MYD88: variants seen among roughly 807,000 people sequenced by gnomAD.
The protein encoded by MYD88 is myeloid differentiation primary response protein MyD88.
MYD88 carries 15 observed loss-of-function variants against 31.1 expected under a neutral mutation model. The ratio of observed to expected loss-of-function variants is 0.48; its 90% CI spans 0.32 to 0.74. The LOEUF is 0.74. MYD88 is among the 30% of genes least tolerant of loss of function. The pLI is 0.03. For missense variants in MYD88, 308 were observed against 387.4 expected (o/e 0.79, Z 1.72); for synonymous variants, 157 against 158.8 (o/e 0.99, Z 0.08).
rs2125778798 is a variant in MYD88 at position 38,140,533 on chromosome 3, T to C, written c.609T>C (p.Cys203=). Reference sequence around the variant, plus strand: ...ACCGCGATGTCCTGCCTGGCACCTGTGTCTGGTCTATTGCTAGTGAGCTCA... The same window carrying C: ...ACCGCGATGTCCTGCCTGGCACCTGCGTCTGGTCTATTGCTAGTGAGCTCA... The part of the protein sequence containing the change: ...VSDRDVLPGT[C]VWSIASELIE... The change falls in exon 3 of 5, where the codon TGT becomes TGC. Residue 203 remains cysteine, a synonymous_variant. Coordinates refer to ENST00000650905, the MANE Select transcript of MYD88 (RefSeq NM_002468.5). The C allele has an allele frequency of 6.2e-7, 1 of 1,614,236 alleles. No individual in the cohort carries two copies. The highest frequency in any genetic ancestry group is 2.2e-5 in the East Asian group (1 of 44,888).
Position 38,140,201 on chromosome 3 carries a change from G to T in MYD88, c.464-187G>T, listed in dbSNP as rs1037727850. 4.2e-6 allele frequency: 4 copies of T among 946,258 alleles called. No individual in the cohort carries two copies. The African/African-American group carries it at 6.5e-5, about 15-fold the overall frequency. The allele number at this position is 946,258 out of a possible 1,614,324, so 58.6% of individuals were successfully genotyped here. ...ATGCTCATGAAATAATGTCTGTCTC[G>T]TGGTTAATCCAGAGCTTAGCCCCTG... On this transcript the variant is annotated intron_variant, in intron 2 of 4. Coordinates refer to ENST00000650905, the MANE Select transcript of MYD88 (RefSeq NM_002468.5).
At chr3:38,140,101 C>A in intron 2 of MYD88, 103 bp downstream of exon 2, 2 of 1,442,156 alleles carry the variant, frequency 1.4e-6, no homozygotes, top group Admixed American at 1.9e-5. Flanking sequence ...TTGGGCAAGT[C>A]ACTTAATCTT....
In MYD88 at chr3:38,139,521, C is replaced by T. The variant is rs926285608; in HGVS notation, c.329-343C>T. 11 of 434,592 alleles carry T rather than the reference C, an allele frequency of 2.5e-5. No individual in the cohort carries two copies. The highest frequency in any genetic ancestry group is 7.0e-5 in the Admixed American group (2 of 28,576). 26.9% of individuals were successfully genotyped at this position (434,592 alleles called of 1,614,324 possible). ...CACCATAACCAGTGGGTCTCCTGAG[C>T]CTTTCTGGCATGCCCAGCCCCTTGC... On this transcript the variant is annotated intron_variant, in intron 1 of 4. Transcript: ENST00000650905. The surrounding 1 kb of genome is among the most constrained non-coding windows in gnomAD (Gnocchi z 4.7).
rs1184689491 is a variant in MYD88 at position 38,142,394 on chromosome 3, A to C, written c.*1108A>C. The C allele has an allele frequency of 8.6e-6, 2 of 233,190 alleles. No homozygotes were observed. The highest frequency in any genetic ancestry group is 1.7e-5 in the Non-Finnish European group (2 of 118,086). The allele number at this position is 233,190 out of a possible 1,614,324, so 14.4% of individuals were successfully genotyped here. A position where few individuals can be genotyped will look rare whatever the true frequency, so the allele number is the denominator to read the frequency against. ...CAGCTCCCAGGAACAGCTAGGTGGGAAAGTCCCATCACTGAGGGAGCCTAA... is the reference window on the plus strand; with the variant it reads ...CAGCTCCCAGGAACAGCTAGGTGGGCAAGTCCCATCACTGAGGGAGCCTAA... On this transcript the variant is annotated 3_prime_UTR_variant, in exon 5 of 5. Transcript: ENST00000650905.
In MYD88 at chr3:38,141,680, G is replaced by T. The variant is rs950986330; in HGVS notation, c.*394G>T. On this transcript the variant is annotated 3_prime_UTR_variant, in exon 5 of 5. Coordinates refer to ENST00000650905, the MANE Select transcript of MYD88 (RefSeq NM_002468.5). ...GTAGGAAATGGTGAAGCATAGCTCT[G>T]GGTCTCCTGGGGGAGACCAGGCTTG... 4 of 420,482 alleles carry T rather than the reference G, an allele frequency of 9.5e-6. No homozygotes were observed. Among genetic ancestry groups the T allele is most frequent in the Non-Finnish European group, 1.8e-5 (4 of 223,256 alleles). 26.0% of individuals were successfully genotyped at this position (420,482 alleles called of 1,614,324 possible).
rs1241028789 is a variant in MYD88 at position 38,142,449 on chromosome 3, A to G, written c.*1163A>G. 1.3e-5 allele frequency: 3 copies of G among 233,174 alleles called. No homozygotes were observed. The highest frequency in any genetic ancestry group is 2.5e-5 in the Non-Finnish European group (3 of 118,078). The allele number at this position is 233,174 out of a possible 1,614,324, so 14.4% of individuals were successfully genotyped here. A position where few individuals can be genotyped will look rare whatever the true frequency, so the allele number is the denominator to read the frequency against. ...GTCCCTGAACAAAAATTGGGCACTC[A>G]TCTATTCCTTTTCTCTTGTGTCCCT... On this transcript the variant is annotated 3_prime_UTR_variant, in exon 5 of 5. Transcript: ENST00000650905.
At position 38,139,913 on chromosome 3, in the gene MYD88, G is replaced by A. The variant is rs2125777469; in HGVS notation, c.378G>A (p.Glu126=). 1 of 1,613,656 alleles carries A rather than the reference G, an allele frequency of 6.2e-7. No individual in the cohort carries two copies. The highest frequency in any genetic ancestry group is 8.5e-7 in the Non-Finnish European group (1 of 1,180,014). Residue 126 remains glutamate, a synonymous_variant, in exon 2 of 5, where the codon GAG becomes GAA. Transcript: ENST00000650905. The surrounding 1 kb of genome is among the most constrained non-coding windows in gnomAD (Gnocchi z 4.7). ...TGAAGCAGCAGCAGGAGGAGGCTGA[G>A]AAGCCTTTACAGGTGGCCGCTGTAG... is the stretch of plus-strand genomic sequence containing the variant. ...YILKQQQEEA[E]KPLQVAAVDS...
In MYD88 at chr3:38,141,449, T is replaced by G; in HGVS notation, c.*163T>G. The G allele has an allele frequency of 1.1e-6, 1 of 927,244 alleles. No individual in the cohort carries two copies. The highest frequency in any genetic ancestry group is 1.7e-6 in the Non-Finnish European group (1 of 581,292). The allele number at this position is 927,244 out of a possible 1,614,324, so 57.4% of individuals were successfully genotyped here. On this transcript the variant is annotated 3_prime_UTR_variant, in exon 5 of 5. Coordinates refer to ENST00000650905, the MANE Select transcript of MYD88 (RefSeq NM_002468.5). ...CGTCTGCAGCAGCTGGACATCACAT[T>G]TCATGTCCTGCATGGAACCAGTGGC...
In MYD88 at chr3:38,141,602, C is replaced by A; in HGVS notation, c.*316C>A. 1 of 482,466 alleles carries A rather than the reference C, an allele frequency of 2.1e-6. No homozygotes were observed. The highest frequency in any genetic ancestry group is 3.8e-6 in the Non-Finnish European group (1 of 261,026). 29.9% of individuals were successfully genotyped at this position (482,466 alleles called of 1,614,324 possible). A position where few individuals can be genotyped will look rare whatever the true frequency, so the allele number is the denominator to read the frequency against. The stretch of plus-strand genomic sequence containing the variant: ...TTCACACATCTTCACCCTCAGTTTC[C>A]TCACTTGAGGAGTGGGATGGGGAGA... On this transcript the variant is annotated 3_prime_UTR_variant, in exon 5 of 5. Transcript: ENST00000650905.
Position 38,140,534 on chromosome 3 carries a change from G to T in MYD88, c.610G>T (p.Val204Phe), listed in dbSNP as rs776995408. ...CCGCGATGTCCTGCCTGGCACCTGT[G>T]TCTGGTCTATTGCTAGTGAGCTCAT... ...SDRDVLPGTCVWSIASELIEK... is the reference protein window; with the variant it reads ...SDRDVLPGTCFWSIASELIEK... The change falls in exon 3 of 5, where the codon GTC becomes TTC. Residue 204 changes from valine to phenylalanine, a missense_variant. Transcript: ENST00000650905. 9 of 1,614,108 alleles carry T rather than the reference G, an allele frequency of 5.6e-6. No individual in the cohort carries two copies. Among genetic ancestry groups the T allele is most frequent in the East Asian group, 2.2e-5 (1 of 44,898 alleles).
chr3:38,141,943 C>A lies in MYD88; in HGVS notation c.*657C>A, dbSNP rs200418295. The A allele has an allele frequency of 1.2e-4, 29 of 240,336 alleles. No homozygotes were observed. In the South Asian group the frequency reaches 4.3e-3, roughly 36 times the overall value. The allele number at this position is 240,336 out of a possible 1,614,324, so 14.9% of individuals were successfully genotyped here. A position where few individuals can be genotyped will look rare whatever the true frequency, so the allele number is the denominator to read the frequency against. Reference sequence around the variant, plus strand: ...CCACCTCTCATCTGCATCTTTCACACCTCCCAGCTTCTGCCCAACCTTCAG... The same window carrying A: ...CCACCTCTCATCTGCATCTTTCACAACTCCCAGCTTCTGCCCAACCTTCAG... On this transcript the variant is annotated 3_prime_UTR_variant, in exon 5 of 5. Coordinates refer to ENST00000650905, the MANE Select transcript of MYD88 (RefSeq NM_002468.5).
rs1701070638 is a variant in MYD88, at chr3:38,141,140, C to T, written c.745C>T (p.Gln249Ter). 23 of 1,614,202 alleles carry T rather than the reference C, an allele frequency of 1.4e-5. No individual in the cohort carries two copies. The highest frequency in any genetic ancestry group is 1.9e-5 in the Non-Finnish European group (22 of 1,180,030). The part of the protein sequence containing the change: ...FALSLSPGAH[Q>*]KRLIPIKYKA... Reference sequence around the variant, plus strand: ...CACCCCTTGGCTTGCAGGTGCCCATCAGAAGCGACTGATCCCCATCAAGTA... The same window carrying T: ...CACCCCTTGGCTTGCAGGTGCCCATTAGAAGCGACTGATCCCCATCAAGTA... Residue 249 changes from glutamine (Q) to a stop codon, truncating the protein, a stop_gained, in exon 5 of 5, where the codon CAG becomes TAG. Transcript: ENST00000650905. LOFTEE classifies it high-confidence loss of function.
chr3:38,140,232 C>T (rs1701041520), intron 2 of MYD88, 156 bp from the exon 3 acceptor site: 1 of 976,378 alleles, frequency 1.0e-6, no homozygotes, highest in South Asian at 1.4e-5. Context: ...CCCTGAGGTA[C>T]TCATCTTTCC....
chr3:38,142,184 C>G lies in MYD88; in HGVS notation c.*898C>G. ...GGGCCACCTGCAGAGAGCTTTCCCA[C>G]CAACTTTGTACCTTGATTGCCTTAC... On this transcript the variant is annotated 3_prime_UTR_variant, in exon 5 of 5. Transcript: ENST00000650905. The G allele has an allele frequency of 8.6e-6, 2 of 233,350 alleles. No homozygotes were observed. The highest frequency in any genetic ancestry group is 1.7e-5 in the Non-Finnish European group (2 of 118,096). 14.5% of individuals were successfully genotyped at this position (233,350 alleles called of 1,614,324 possible).
rs1177134850 is a variant in MYD88, at chr3:38,140,432, A to G, written c.508A>G (p.Ser170Gly). The change falls in exon 3 of 5, where the codon AGC becomes GGC. Residue 170 changes from serine to glycine, a missense_variant. By Grantham distance (56) the Ser-to-Gly change is moderately conservative. Transcript: ENST00000650905. The stretch of plus-strand genomic sequence containing the variant: ...CGATGCCTTCATCTGCTATTGCCCC[A>G]GCGACATCCAGTTTGTGCAGGAGAT... ...RFDAFICYCPSDIQFVQEMIR... is the reference protein window; with the variant it reads ...RFDAFICYCPGDIQFVQEMIR... 1 of 1,614,204 alleles carries G rather than the reference A, an allele frequency of 6.2e-7. No individual in the cohort carries two copies. Among genetic ancestry groups the G allele is most frequent in the Non-Finnish European group, 8.5e-7 (1 of 1,180,028 alleles).
rs1575277092 is a variant in MYD88 at position 38,140,550 on chromosome 3, G to T, written c.626G>T (p.Ser209Ile). The T allele has an allele frequency of 6.2e-7, 1 of 1,614,230 alleles. No homozygotes were observed. The highest frequency in any genetic ancestry group is 1.1e-5 in the South Asian group (1 of 91,084). ...GGCACCTGTGTCTGGTCTATTGCTA[G>T]TGAGCTCATCGAAAAGAGGTTGGCT... ...LPGTCVWSIA[S>I]ELIEKRCRRM... The change falls in exon 3 of 5, where the codon AGT becomes ATT. Residue 209 changes from serine to isoleucine, a missense_variant. Transcript: ENST00000650905.
chr3:38,138,800 T>TA lies in MYD88; in HGVS notation c.100_101insA (p.Ser34TyrfsTer24). 6.2e-7 allele frequency: 1 copy of TA among 1,613,550 alleles called. No individual in the cohort carries two copies. Among genetic ancestry groups the TA allele is most frequent in the Non-Finnish European group, 8.5e-7 (1 of 1,179,978 alleles). On this transcript the variant is annotated frameshift_variant, in exon 1 of 5. Transcript: ENST00000650905. LOFTEE classifies it high-confidence loss of function. This position sits in a 1 kb window ranked among gnomAD's most constrained non-coding sequence, Gnocchi z 6.4. ...CAACATGCGAGTGCGGCGCCGCCTGTCTCTGTTCTTGAACGTGCGGACACA... is the reference window on the plus strand; with the variant it reads ...CAACATGCGAGTGCGGCGCCGCCTGTACTCTGTTCTTGAACGTGCGGACACA...
rs933206511 is a variant in MYD88 at position 38,139,346 on chromosome 3, G to C, written c.328+318G>C. 10 of 487,346 alleles carry C rather than the reference G, an allele frequency of 2.1e-5. No homozygotes were observed. Among genetic ancestry groups the C allele is most frequent in the Admixed American group, 3.6e-5 (1 of 27,642 alleles). 30.2% of individuals were successfully genotyped at this position (487,346 alleles called of 1,614,324 possible). A position where few individuals can be genotyped will look rare whatever the true frequency, so the allele number is the denominator to read the frequency against. On this transcript the variant is annotated intron_variant, in intron 1 of 4. Coordinates refer to ENST00000650905, the MANE Select transcript of MYD88 (RefSeq NM_002468.5). The surrounding 1 kb of genome is among the most constrained non-coding windows in gnomAD (Gnocchi z 4.7). ...TTCAAGTAGAGCAACAGGACAGGTG[G>C]GGCGATTGACAGTGGACTGTCTTAG...
Position 38,139,908 on chromosome 3 carries a change from G to A in MYD88, c.373G>A (p.Ala125Thr), listed in dbSNP as rs2125777445. The A allele has an allele frequency of 6.2e-7, 1 of 1,613,574 alleles. No individual in the cohort carries two copies. Among genetic ancestry groups the A allele is most frequent in the African/African-American group, 1.3e-5 (1 of 75,052 alleles). Reference sequence around the variant, plus strand: ...TATCTTGAAGCAGCAGCAGGAGGAGGCTGAGAAGCCTTTACAGGTGGCCGC... The same window carrying A: ...TATCTTGAAGCAGCAGCAGGAGGAGACTGAGAAGCCTTTACAGGTGGCCGC... Reference protein sequence around the residue: ...KYILKQQQEEAEKPLQVAAVD... With the variant: ...KYILKQQQEETEKPLQVAAVD... Residue 125 changes from alanine (A) to threonine (T), a missense_variant, in exon 2 of 5, where the codon GCT becomes ACT. By Grantham distance (58) the Ala-to-Thr change is moderately conservative (BLOSUM62 0). Coordinates refer to ENST00000650905, the MANE Select transcript of MYD88 (RefSeq NM_002468.5). This position sits in a 1 kb window ranked among gnomAD's most constrained non-coding sequence, Gnocchi z 4.7.
Sources: gnomAD v4.1 joint callset for allele counts on GRCh38, gnomAD v4.1.1 for gene constraint, Gnocchi (gnomAD v3.1) non-coding constraint, MANE v1.5 for transcripts, NCBI Gene and HGNC (gene_info 2026-07-23, HGNC 2026-07-21) for gene names.